Variants in MECOM observed in about 807,000 individuals in gnomAD.
The protein encoded by MECOM is histone-lysine N-methyltransferase MECOM.
Under a neutral mutation model 116.3 loss-of-function variants are expected in MECOM, and 13 were observed. The ratio of observed to expected loss-of-function variants is 0.11; its 90% confidence interval spans 0.07 to 0.18. The LOEUF (loss-of-function observed/expected upper bound fraction) is 0.18. Ranked by LOEUF, MECOM falls within the 10% of genes least tolerant of loss-of-function variation. The pLI, the probability that MECOM is intolerant of heterozygous loss-of-function variation, is 1.00. For synonymous variants in MECOM, 528 were observed against 535.2 expected, an observed-to-expected ratio of 0.99 and a Z score of 0.19; for missense variants, 1,299 against 1,509.0, an observed-to-expected ratio of 0.86 and a Z score of 2.31.
intron 1 of MECOM, among the ~76,000 whole-genome samples, chr3:169,476,026 T>A: frequency 6.6e-6 from 1 of 152,220 alleles, no homozygotes; most frequent in Non-Finnish European, 1.5e-5. Flanking sequence ...TTCTCCCTAA[T>A]CTAATTATGC....
chr3:169,662,011 C>T (rs1776345576), intron 1 of MECOM, among the ~76,000 whole-genome samples: 1 of 152,176 alleles, frequency 6.6e-6, no homozygotes, highest in African/African-American at 2.4e-5. Flanking sequence ...GCTCAGTGTC[C>T]CTGAGTCCCC....
intron 10 of MECOM, among the ~76,000 whole-genome samples, chr3:169,106,103 AAAAT>A (rs1725323219): frequency 6.6e-6 from 1 of 152,200 alleles, no homozygotes; most frequent in Non-Finnish European, 1.5e-5. Flanking sequence ...ACTTTATCAT[AAAAT>A]AACTAACTTT....
chr3:169,406,512 T>C (rs1736713947), intron 1 of MECOM, among the ~76,000 whole-genome samples: 1 of 152,204 alleles, frequency 6.6e-6, no homozygotes, highest in South Asian at 2.1e-4. Context: ...GAAAAGCGAT[T>C]GAAGGCTGAT....
intron 9 of MECOM, among the ~76,000 whole-genome samples, chr3:169,112,074 G>A (rs1277181305): frequency 6.6e-6 from 1 of 152,018 alleles, no homozygotes; most frequent in Non-Finnish European, 1.5e-5. Flanking sequence ...CATTCAAGAT[G>A]TTTATATACC....
intron 2 of MECOM, among the ~76,000 whole-genome samples, chr3:169,160,151 G>C (rs1249474519): frequency 2.6e-5 from 4 of 152,040 alleles, no homozygotes; most frequent in African/African-American, 9.7e-5. Context: ...ATTTGCTTCT[G>C]AGAAACAGAG....
At chr3:169,306,990 C>A (rs1717832418) in intron 2 of MECOM, among the ~76,000 whole-genome samples, 1 of 152,154 alleles carries the variant, frequency 6.6e-6, no homozygotes, top group Non-Finnish European at 1.5e-5. Context: ...TCCAACTGTC[C>A]ACTTGATGCC....
chr3:169,663,205 C>T (rs1776560447), intron 1 of MECOM, 131 bp downstream of exon 1: 3 of 1,036,168 alleles, frequency 2.9e-6, no homozygotes, highest in Non-Finnish European at 4.3e-6. Flanking sequence ...GCTGGGGCTG[C>T]GCTCCGCCTG....
chr3:169,366,079 T>C (rs1729113621), intron 2 of MECOM, among the ~76,000 whole-genome samples: 1 of 152,030 alleles, frequency 6.6e-6, no homozygotes, highest in Non-Finnish European at 1.5e-5. Flanking sequence ...TCTGGTTCTC[T>C]CAAACAGTGT....
intron 2 of MECOM, among the ~76,000 whole-genome samples, chr3:169,370,766 G>C (rs942650547): frequency 6.6e-6 from 1 of 151,798 alleles, no homozygotes; most frequent in Non-Finnish European, 1.5e-5. Flanking sequence ...ATACAATAGC[G>C]ATCAAGTATA....
At chr3:169,610,570 C>T (rs143459382) in intron 1 of MECOM, among the ~76,000 whole-genome samples, 62 of 151,436 alleles carry the variant, frequency 4.1e-4, no homozygotes, top group Non-Finnish European at 8.4e-4. Context: ...AGCACAGAGG[C>T]GTCAAACAAT....
intron 1 of MECOM, among the ~76,000 whole-genome samples, chr3:169,622,520 G>A (rs1770879327): frequency 6.6e-6 from 1 of 152,218 alleles, no homozygotes; most frequent in Non-Finnish European, 1.5e-5. Flanking sequence ...TTTTCAGAGT[G>A]AGCAAGAGCA....
intron 1 of MECOM, among the ~76,000 whole-genome samples, chr3:169,584,792 A>G (rs1765589771): frequency 6.6e-6 from 1 of 152,194 alleles, no homozygotes. Flanking sequence ...GCTAAAGACT[A>G]TATATAAAGT....
At chr3:169,160,150 T>G (rs1207037076) in intron 2 of MECOM, among the ~76,000 whole-genome samples, 1 of 152,158 alleles carries the variant, frequency 6.6e-6, no homozygotes, top group Admixed American at 6.5e-5. Flanking sequence ...AATTTGCTTC[T>G]GAGAAACAGA....
intron 2 of MECOM, among the ~76,000 whole-genome samples, chr3:169,244,785 A>G: frequency 6.6e-6 from 1 of 152,256 alleles, no homozygotes; most frequent in African/African-American, 2.4e-5. Flanking sequence ...GCAAAGAAAT[A>G]GTAACTTCCA....
At chr3:169,206,530 T>C (rs1749935538) in intron 2 of MECOM, among the ~76,000 whole-genome samples, 1 of 152,016 alleles carries the variant, frequency 6.6e-6, no homozygotes, top group African/African-American at 2.4e-5. Flanking sequence ...CGCGGGCAGA[T>C]TGCCTGAAGT....
At chr3:169,456,947 G>T (rs758476492) in intron 1 of MECOM, among the ~76,000 whole-genome samples, 9 of 152,192 alleles carry the variant, frequency 5.9e-5, no homozygotes, top group Non-Finnish European at 1.2e-4. Flanking sequence ...GAAGCAGGCA[G>T]GAGGCCCTGA....
rs1576999026 is a variant in MECOM at position 169,115,487 on chromosome 3, G to A, written c.2385C>T (p.His795=). The A allele has an allele frequency of 1.9e-6, 3 of 1,613,932 alleles. No individual in the cohort carries two copies. Among genetic ancestry groups the A allele is most frequent in the Non-Finnish European group, 2.5e-6 (3 of 1,180,012 alleles). The change falls in exon 8 of 17, where the codon CAC becomes CAT. Residue 795 remains histidine (H), a synonymous_variant. Coordinates refer to ENST00000651503, the MANE Select transcript of MECOM (RefSeq NM_004991.4). The part of the protein sequence containing the change: ...GTKLTEPRKN[H]VFGGKKGSNV... ...TGCTTCCTTTTTTTCCCCCAAACACGTGGTTTTTTCGAGGCTCAGTCAGCT... is the reference window on the plus strand; with the variant it reads ...TGCTTCCTTTTTTTCCCCCAAACACATGGTTTTTTCGAGGCTCAGTCAGCT...
intron 1 of MECOM, among the ~76,000 whole-genome samples, chr3:169,494,776 C>G (rs1753615547): frequency 6.6e-6 from 1 of 152,178 alleles, no homozygotes; most frequent in African/African-American, 2.4e-5. Flanking sequence ...TCTTTCTACT[C>G]CAAACTTCCA....
chr3:169,306,942 T>C (rs1717821791), intron 2 of MECOM, among the ~76,000 whole-genome samples: 1 of 152,172 alleles, frequency 6.6e-6, no homozygotes, highest in Admixed American at 6.5e-5. Context: ...AACTCTTATC[T>C]CCAACCCAGA....
Sources: gnomAD v4.1 joint callset for allele counts (sites outside exome capture counted in the v4.1 genomes callset) on GRCh38, gnomAD v4.1.1 for gene constraint, MANE v1.5 for transcripts, NCBI Gene and HGNC (gene_info 2026-07-23, HGNC 2026-07-21) for gene names.